The following HAPLN2 variants were observed in gnomAD, a reference collection of about 807,000 sequenced individuals.
HAPLN2 encodes hyaluronan and proteoglycan link protein 2, also known as brain link protein-1.
In HAPLN2, 27 loss-of-function variants were observed where a neutral mutation model predicts 29.3. That is an observed-to-expected ratio of 0.92 (90% CI 0.68 to 1.27). The LOEUF is 1.27. Among genes scored for constraint, HAPLN2 ranks in the 50% most tolerant of loss-of-function variants. The pLI, the probability that HAPLN2 is intolerant of heterozygous loss-of-function variation, is 0.00. For missense variants in HAPLN2, 454 were observed against 484.3 expected, an observed-to-expected ratio of 0.94 and a Z score of 0.59; for synonymous variants, 208 against 211.7, an observed-to-expected ratio of 0.98 and a Z score of 0.15.
Position 156,625,489 on chromosome 1 carries a change from G to A in HAPLN2, c.*105G>A. 8.0e-7 allele frequency: 1 copy of A among 1,253,760 alleles called. No homozygotes were observed. Among genetic ancestry groups the A allele is most frequent in the East Asian group, 2.8e-5 (1 of 36,184 alleles). 77.7% of individuals were successfully genotyped at this position (1,253,760 alleles called of 1,614,324 possible). ...AGCCTCCCCTCCCTCCAGACCCGGA[G>A]CGGCCTCTCCAGACCTGCCTTCCCA... On this transcript the variant is annotated 3_prime_UTR_variant, in exon 7 of 7. Transcript: ENST00000255039. The surrounding 1 kb of genome is among the most constrained non-coding windows in gnomAD (Gnocchi z 5.7).
upstream of HAPLN2, among the ~76,000 whole-genome samples, chr1:156,618,292 C>G (rs921690451): frequency 7.6e-6 from 1 of 131,446 alleles, no homozygotes; most frequent in Admixed American, 8.1e-5. Flanking sequence ...GGTGACAGAG[C>G]CAGACTCTGT....
the HAPLN2 span, among the ~76,000 whole-genome samples, chr1:156,609,875 A>G: frequency 1.5e-4 from 23 of 152,302 alleles, no homozygotes; most frequent in Non-Finnish European, 2.1e-4. Flanking sequence ...CAATTTTCCT[A>G]TAGAACAAAC....
upstream of HAPLN2, among the ~76,000 whole-genome samples, chr1:156,615,567 TCTCTC>T (rs1678035938): frequency 6.8e-6 from 1 of 146,212 alleles, no homozygotes; most frequent in East Asian, 2.0e-4. Flanking sequence ...ACTCTCTCTC[TCTCTC>T]TTTTTTTTTT....
At chr1:156,610,289 A>C in the HAPLN2 span, among the ~76,000 whole-genome samples, 3 of 152,132 alleles carry the variant, frequency 2.0e-5, no homozygotes, top group Non-Finnish European at 1.5e-5. Context: ...AAATGAGAGA[A>C]TTTGATGTCA....
intron 3 of HAPLN2, 29 bp downstream of exon 3, chr1:156,623,604 G>A (rs1678329224): frequency 1.2e-6 from 2 of 1,612,586 alleles, no homozygotes; most frequent in Non-Finnish European, 1.7e-6. Flanking sequence ...CCAGAATCTG[G>A]GGGAGGCTTG....
the HAPLN2 span, among the ~76,000 whole-genome samples, chr1:156,609,472 AG>A: frequency 3.9e-5 from 6 of 152,262 alleles, no homozygotes; most frequent in Admixed American, 6.5e-5. Context: ...TCTACAATTA[AG>A]TGCATCATTG....
At chr1:156,624,327 C>A in intron 4 of HAPLN2, 24 bp from the exon 5 acceptor site, 3 of 1,582,258 alleles carry the variant, frequency 1.9e-6, no homozygotes, top group Non-Finnish European at 2.6e-6. Flanking sequence ...GCTGGCCCTC[C>A]CCAGGATCCC....
chr1:156,602,094 C>A, the HAPLN2 span, among the ~76,000 whole-genome samples: 1 of 151,708 alleles, frequency 6.6e-6, no homozygotes, highest in Non-Finnish European at 1.5e-5. Context: ...TGCACCGCCA[C>A]GCCTGGCTAA....
chr1:156,616,808 C>T (rs548926829), upstream of HAPLN2, among the ~76,000 whole-genome samples: 59 of 152,016 alleles, frequency 3.9e-4, no homozygotes, highest in Non-Finnish European at 6.3e-4. Flanking sequence ...TATAGTCGGC[C>T]GGGTGCAGTG....
chr1:156,607,061 T>C, the HAPLN2 span, among the ~76,000 whole-genome samples: 9 of 152,284 alleles, frequency 5.9e-5, no homozygotes, highest in African/African-American at 2.2e-4. Context: ...CAAAATCCCA[T>C]TGTCATGGTC....
chr1:156,609,325 T>A, the HAPLN2 span, among the ~76,000 whole-genome samples: 13 of 152,204 alleles, frequency 8.5e-5, no homozygotes, highest in African/African-American at 3.1e-4. Flanking sequence ...GCTAAATATA[T>A]TCATACACAT....
chr1:156,624,407 G>A lies in HAPLN2; in HGVS notation c.496G>A (p.Ala166Thr). ...CCGGTACCAGTTCAATTACTACGAG[G>A]CGAAGCAGGCGTGCGAGGAGCAGGA... ...RGRYQFNYYE[A>T]KQACEEQDGR... The change falls in exon 5 of 7, where the codon GCG (alanine) becomes ACG (threonine). Residue 166 changes from alanine (A) to threonine (T), a missense_variant. Ala to Thr is a moderately conservative substitution (Grantham distance 58). Transcript: ENST00000255039. 6.2e-7 allele frequency: 1 copy of A among 1,610,816 alleles called. No homozygotes were observed. The highest frequency in any genetic ancestry group is 8.5e-7 in the Non-Finnish European group (1 of 1,178,728).
rs1678171732 is a variant in HAPLN2, at chr1:156,620,131, T to C, written c.-52T>C. On this transcript the variant is annotated 5_prime_UTR_variant, in exon 2 of 7. Transcript: ENST00000255039. ...AAGCTGCTAAGCACTGCTCCCTCCG[T>C]CTCTGTGAAGAGACCAGCTTCTAAC... The C allele has an allele frequency of 2.0e-5, 3 of 152,220 alleles. No individual in the cohort carries two copies. The highest frequency in any genetic ancestry group is 7.2e-5 in the African/African-American group (3 of 41,434). The allele number at this position is 152,220 out of a possible 1,614,324, so 9.4% of individuals were successfully genotyped here. A position where few individuals can be genotyped will look rare whatever the true frequency, so the allele number is the denominator to read the frequency against.
upstream of HAPLN2, among the ~76,000 whole-genome samples, chr1:156,618,507 C>T (rs1281734576): frequency 2.7e-5 from 4 of 150,448 alleles, no homozygotes; most frequent in African/African-American, 9.8e-5. Flanking sequence ...AGGCCGGGCA[C>T]GGTGGCTCAC....
the HAPLN2 span, among the ~76,000 whole-genome samples, chr1:156,606,672 A>G: frequency 6.6e-6 from 1 of 151,950 alleles, no homozygotes; most frequent in African/African-American, 2.4e-5. Context: ...TTGTAGAGAC[A>G]GGGTTTCACC....
intron 2 of HAPLN2, among the ~76,000 whole-genome samples, chr1:156,623,037 A>AAAAAAT (rs551908025): frequency 1.8e-5 from 2 of 111,422 alleles, no homozygotes; most frequent in African/African-American, 6.4e-5. Context: ...CTGTCTCAAA[A>AAAAAAT]AAATAAATAA....
Position 156,623,870 on chromosome 1 carries a change from G to GGGCCAC in HAPLN2, c.157_162dup (p.Ala53_Thr54dup). 2 of 1,565,112 alleles carry GGGCCAC rather than the reference G, an allele frequency of 1.3e-6. No homozygotes were observed. Among genetic ancestry groups the GGGCCAC allele is most frequent in the Non-Finnish European group, 1.7e-6 (2 of 1,156,176 alleles). On this transcript the variant is annotated inframe_insertion, in exon 4 of 7. Transcript: ENST00000255039. ...CACGAGGTCATTCACTCTCATCGTG[G>GGGCCAC]GGCCACGGCCACGCTGCCCTGCGTC...
chr1:156,620,599 C>T (rs1678188034), intron 2 of HAPLN2, among the ~76,000 whole-genome samples: 1 of 152,184 alleles, frequency 6.6e-6, no homozygotes, highest in Admixed American at 6.6e-5. Context: ...CAGATACTTT[C>T]ACCTTTAACC....
chr1:156,601,599 T>C, the HAPLN2 span: 1 of 787,372 alleles, frequency 1.3e-6, no homozygotes. Flanking sequence ...CCATAGAAAC[T>C]GGGACCTGGA....
Sources: gnomAD v4.1 joint callset for allele counts (sites outside exome capture counted in the v4.1 genomes callset) on GRCh38, gnomAD v4.1.1 for gene constraint, Gnocchi (gnomAD v3.1) non-coding constraint, MANE v1.5 for transcripts, NCBI Gene and HGNC (gene_info 2026-07-23, HGNC 2026-07-21) for gene names.